SLC19A1: variants seen among roughly 807,000 people sequenced by gnomAD.
SLC19A1 encodes reduced folate transporter.
A neutral mutation model predicts 35.3 loss-of-function variants in SLC19A1; 37 were observed. That is an observed-to-expected ratio of 1.05 (90% CI 0.81 to 1.38). The LOEUF (loss-of-function observed/expected upper bound fraction) is 1.38. SLC19A1 is among the 40% of genes most tolerant of loss of function. The probability of loss-of-function intolerance (pLI) is 0.00; values close to 1 mark genes in which losing one functional copy is unlikely to be tolerated. For synonymous variants in SLC19A1, 460 were observed against 398.5 expected, an observed-to-expected ratio of 1.15 and a Z score of -1.84; for missense variants, 831 against 826.9, an observed-to-expected ratio of 1.00 and a Z score of -0.06.
At position 45,540,314 on chromosome 21, in the gene SLC19A1, C is replaced by T. The variant is rs192789725; in HGVS notation, c.-50+2054G>A. Among the ~76,000 whole-genome samples the T allele has an allele frequency of 2.8e-4, 42 of 152,296 alleles. No individual in the cohort carries two copies. Among genetic ancestry groups the T allele is most frequent in the African/African-American group, 2.4e-4 (10 of 41,562 alleles). On this transcript the variant is annotated intron_variant, in intron 1 of 5. Transcript: ENST00000311124. This position sits in a 1 kb window ranked among gnomAD's most constrained non-coding sequence, Gnocchi z 5.5. ...AGAGCAACCAGATCGCCGCAGACAA[C>T]GGGGAGCCATCAGGAGCTGAACTAA...
chr21:45,512,337 G>C (rs2037661427), downstream of SLC19A1: 4 of 1,612,702 alleles, frequency 2.5e-6, no homozygotes, highest in East Asian at 8.9e-5. Context: ...AGTGCCGCGA[G>C]CTGCCATCAC....
intron 1 of SLC19A1, among the ~76,000 whole-genome samples, chr21:45,552,525 G>A (rs527770270): frequency 2.6e-5 from 4 of 152,280 alleles, no homozygotes; most frequent in South Asian, 2.1e-4. Context: ...CAGAGACCCC[G>A]GGTCCTACCC....
chr21:45,526,070 G>C (rs1433086642), intron 4 of SLC19A1, 112 bp from the exon 5 acceptor site: 1 of 1,178,908 alleles, frequency 8.5e-7, no homozygotes, highest in Non-Finnish European at 1.2e-6. Context: ...GCAGCCACGG[G>C]GTCCCAGGGC....
chr21:45,522,850 G>C (rs2077477987), intron 5 of SLC19A1, among the ~76,000 whole-genome samples: 1 of 152,204 alleles, frequency 6.6e-6, no homozygotes, highest in Non-Finnish European at 1.5e-5. Flanking sequence ...TGGGAGTAGG[G>C]TGGGCCTTGG....
chr21:45,504,988 C>CAGGCTATG, intron 3 of SLC19A1: 1 of 1,023,790 alleles, frequency 9.8e-7, no homozygotes, highest in Non-Finnish European at 1.5e-6. Flanking sequence ...GGGGGTTTCT[C>CAGGCTATG]AGGCTATGGC....
chr21:45,556,775 G>A (rs1439436733), intron 1 of SLC19A1, among the ~76,000 whole-genome samples: 11 of 152,142 alleles, frequency 7.2e-5, no homozygotes, highest in African/African-American at 2.4e-4. Flanking sequence ...GTTCTCTCAC[G>A]TCCTCTGGAA....
chr21:45,540,506 C>T lies in SLC19A1; in HGVS notation c.-50+1862G>A, dbSNP rs1602903974. Among the ~76,000 whole-genome samples the T allele has an allele frequency of 6.6e-6, 1 of 152,222 alleles. No homozygotes were observed. The highest frequency in any genetic ancestry group is 2.4e-5 in the African/African-American group (1 of 41,462). On this transcript the variant is annotated intron_variant, in intron 1 of 5. Coordinates refer to ENST00000311124, the MANE Select transcript of SLC19A1 (RefSeq NM_194255.4). This position sits in a 1 kb window ranked among gnomAD's most constrained non-coding sequence, Gnocchi z 5.5. ...TTGGAGAGACAGCCAGAGTCTCCGC[C>T]AGCAAGGGGCTGCTGCTGGTCTTAA...
In SLC19A1 at chr21:45,515,317, G is replaced by A. The variant is rs2037843920; in HGVS notation, c.*341C>T. On this transcript the variant is annotated 3_prime_UTR_variant, in exon 6 of 6. Coordinates refer to ENST00000311124, the MANE Select transcript of SLC19A1 (RefSeq NM_194255.4). ...GTGTCCCCTGAGCTGGTATCCAAGA[G>A]GCCACTTCACTAGCCCTGGGGGGCA... 2.7e-6 allele frequency: 4 copies of A among 1,458,876 alleles called. No homozygotes were observed. Among genetic ancestry groups the A allele is most frequent in the Admixed American group, 2.9e-5 (1 of 34,688 alleles). The allele number at this position is 1,458,876 out of a possible 1,614,324, so 90.4% of individuals were successfully genotyped here. A position where few individuals can be genotyped will look rare whatever the true frequency, so the allele number is the denominator to read the frequency against.
At chr21:45,553,525 G>A (rs1003209949) in intron 1 of SLC19A1, among the ~76,000 whole-genome samples, 1 of 151,556 alleles carries the variant, frequency 6.6e-6, no homozygotes, top group African/African-American at 2.4e-5. Flanking sequence ...ATGGCATTAA[G>A]GACATTCACA....
At chr21:45,507,848 G>A (rs73370873), downstream of SLC19A1, among the ~76,000 whole-genome samples, 2,502 of 152,316 alleles carry the variant, frequency 0.016, 65 homozygotes, top group African/African-American at 0.057. Flanking sequence ...TCCCAGTTGT[G>A]TCTGCCGCTC....
In SLC19A1 at chr21:45,504,285, A is replaced by G. The variant is rs564033423; in HGVS notation, c.498-5673T>C. 157 of 978,738 alleles carry G rather than the reference A, an allele frequency of 1.6e-4. 1 individual carries two copies. The highest frequency in any genetic ancestry group is 1.6e-3 in the African/African-American group (96 of 61,174). The allele number at this position is 978,738 out of a possible 1,614,324, so 60.6% of individuals were successfully genotyped here. ...GAGGTGGGGAGTCGAGCCCTATTCTATGCAGCCAGCAGCTCCCAGGCCTGG... is the reference window on the plus strand; with the variant it reads ...GAGGTGGGGAGTCGAGCCCTATTCTGTGCAGCCAGCAGCTCCCAGGCCTGG... On this transcript the variant is annotated intron_variant, in intron 3 of 4. Coordinates refer to the SLC19A1 transcript ENST00000417954.
In SLC19A1 at chr21:45,530,657, CCAGCAGTGGCACAGCCGCTGGGGCG is replaced by C. The variant is rs1178295648; in HGVS notation, c.1151+88_1151+112del. On this transcript the variant is annotated intron_variant, in intron 4 of 5. Coordinates refer to ENST00000311124, the MANE Select transcript of SLC19A1 (RefSeq NM_194255.4). This position sits in a 1 kb window ranked among gnomAD's most constrained non-coding sequence, Gnocchi z 5.3. ...GGTCAGCTCCAGGTGGCTGGCGGGG[CCAGCAGTGGCACAGCCGCTGGGGCG>C]CAGCAGGAAGGTGGGAGCACCCAGC... The C allele has an allele frequency of 5.0e-5, 57 of 1,148,898 alleles. No individual in the cohort carries two copies. Among genetic ancestry groups the C allele is most frequent in the Non-Finnish European group, 6.5e-5 (53 of 817,286 alleles). 71.2% of individuals were successfully genotyped at this position (1,148,898 alleles called of 1,614,324 possible). A position where few individuals can be genotyped will look rare whatever the true frequency, so the allele number is the denominator to read the frequency against.
At chr21:45,532,211 GC>G in intron 2 of SLC19A1, 63 bp from the exon 3 acceptor site, 1 of 1,405,268 alleles carries the variant, frequency 7.1e-7, no homozygotes, top group Non-Finnish European at 9.8e-7. Context: ...GGCAGACACA[GC>G]CCGCCCGAGG....
chr21:45,529,920 AGTGT>A (rs370176024), intron 4 of SLC19A1, among the ~76,000 whole-genome samples: 61 of 136,288 alleles, frequency 4.5e-4, no homozygotes, highest in Middle Eastern at 5.0e-3. Flanking sequence ...TGTCCCTGTG[AGTGT>A]GTGTGTGTCC....
chr21:45,538,089 G>GCCC, intron 1 of SLC19A1, 81 bp from the exon 2 acceptor site: 1 of 715,474 alleles, frequency 1.4e-6, no homozygotes, highest in Non-Finnish European at 2.2e-6. Context: ...CCCAGTGCCG[G>GCCC]CCTCCTCGCC....
At chr21:45,516,418 G>T (rs895728767) in intron 5 of SLC19A1, among the ~76,000 whole-genome samples, 5 of 152,226 alleles carry the variant, frequency 3.3e-5, no homozygotes, top group Admixed American at 6.5e-5. Flanking sequence ...GTGGCCTGCG[G>T]TGTCTGCTCC....
At chr21:45,556,392 A>G (rs1265949055) in intron 1 of SLC19A1, among the ~76,000 whole-genome samples, 2 of 152,226 alleles carry the variant, frequency 1.3e-5, no homozygotes, top group African/African-American at 4.8e-5. Context: ...GCTCGTCAGC[A>G]GCTCGGCCTC....
At chr21:45,525,742 G>A (rs991934336) in intron 5 of SLC19A1, 75 bp downstream of exon 5, 53 of 1,535,000 alleles carry the variant, frequency 3.5e-5, no homozygotes, top group South Asian at 3.2e-4. Flanking sequence ...CACATCAGGC[G>A]GGCACCAGGA....
intron 3 of SLC19A1, among the ~76,000 whole-genome samples, chr21:45,503,676 A>G (rs1375511235): frequency 1.3e-5 from 2 of 150,706 alleles, no homozygotes; most frequent in Non-Finnish European, 3.0e-5. Flanking sequence ...TGGGAGATAT[A>G]CCTAATGCTA....
Sources: allele counts gnomAD v4.1 joint callset (sites outside exome capture counted in the v4.1 genomes callset), GRCh38; gene constraint gnomAD v4.1.1; non-coding constraint Gnocchi (gnomAD v3.1); transcripts MANE v1.5; gene names NCBI Gene and HGNC (gene_info 2026-07-23, HGNC 2026-07-21).